CCDC192: variants seen among roughly 807,000 people sequenced by gnomAD.
CCDC192 encodes coiled-coil domain containing 192.
chr5:127,733,915 C>T, intron 2 of CCDC192, among the ~76,000 whole-genome samples: 1 of 144,772 alleles, frequency 6.9e-6, no homozygotes, highest in East Asian at 2.0e-4. Context: ...CCTTCACTAA[C>T]TATATATATA....
chr5:127,853,239 C>A (rs1158100836), intron 5 of CCDC192, among the ~76,000 whole-genome samples: 1 of 152,178 alleles, frequency 6.6e-6, no homozygotes, highest in East Asian at 1.9e-4. Context: ...ACTATCTATG[C>A]CCCATATGCT....
chr5:127,880,187 G>A (rs1478501309), intron 6 of CCDC192, among the ~76,000 whole-genome samples: 1 of 150,886 alleles, frequency 6.6e-6, no homozygotes, highest in African/African-American at 2.4e-5. Context: ...CAATAGCAAA[G>A]ACTTGGAACC....
At chr5:127,799,304 T>G (rs1757351581) in intron 5 of CCDC192, among the ~76,000 whole-genome samples, 1 of 152,202 alleles carries the variant, frequency 6.6e-6, no homozygotes, top group South Asian at 2.1e-4. Flanking sequence ...GCTAATCTGC[T>G]GTGGCAGTTA....
intron 3 of CCDC192, 22 bp downstream of exon 3, chr5:127,754,397 G>T: frequency 2.5e-6 from 1 of 397,646 alleles, no homozygotes; most frequent in South Asian, 1.3e-4. Context: ...CATGGGAACT[G>T]GAAACAAATG....
intron 5 of CCDC192, among the ~76,000 whole-genome samples, chr5:127,846,662 G>A (rs1298410401): frequency 3.3e-5 from 5 of 151,682 alleles, no homozygotes; most frequent in Non-Finnish European, 1.5e-5. Flanking sequence ...TAGAAACAGG[G>A]TTTCATCATG....
At chr5:127,927,867 C>T (rs1323228535) in intron 6 of CCDC192, among the ~76,000 whole-genome samples, 1 of 151,332 alleles carries the variant, frequency 6.6e-6, no homozygotes, top group Non-Finnish European at 1.5e-5. Flanking sequence ...CTATTCATTT[C>T]CTGTTGCTGC....
At chr5:127,743,218 C>T (rs1445622499) in intron 2 of CCDC192, among the ~76,000 whole-genome samples, 1 of 151,974 alleles carries the variant, frequency 6.6e-6, no homozygotes, top group Non-Finnish European at 1.5e-5. Flanking sequence ...CTGTGTTCCT[C>T]TCCTCAAGCT....
At chr5:127,754,490 C>G in intron 3 of CCDC192, 115 bp downstream of exon 3, 1 of 347,388 alleles carries the variant, frequency 2.9e-6, no homozygotes, top group Non-Finnish European at 5.0e-6. Flanking sequence ...CACACACACA[C>G]ACATACACAC....
At chr5:127,893,495 T>C (rs1468997901) in intron 6 of CCDC192, among the ~76,000 whole-genome samples, 1 of 152,120 alleles carries the variant, frequency 6.6e-6, no homozygotes, top group African/African-American at 2.4e-5. Flanking sequence ...ACTATACCTT[T>C]AGAGATCTCC....
intron 2 of CCDC192, among the ~76,000 whole-genome samples, chr5:127,718,651 T>C (rs1187302516): frequency 6.6e-6 from 1 of 152,214 alleles, no homozygotes; most frequent in Non-Finnish European, 1.5e-5. Context: ...TCAGATTTTA[T>C]GTGCAACTTG....
At chr5:127,865,533 T>C (rs1450100266) in intron 5 of CCDC192, among the ~76,000 whole-genome samples, 1 of 151,748 alleles carries the variant, frequency 6.6e-6, no homozygotes, top group Non-Finnish European at 1.5e-5. Flanking sequence ...GTTAAGCTAA[T>C]GATTGTCAGA....
intron 3 of CCDC192, among the ~76,000 whole-genome samples, chr5:127,768,229 G>A (rs551907491): frequency 6.6e-6 from 1 of 152,142 alleles, no homozygotes; most frequent in South Asian, 2.1e-4. Flanking sequence ...TCCAGCCTGG[G>A]TGACAGAGAG....
intron 5 of CCDC192, among the ~76,000 whole-genome samples, chr5:127,818,980 C>T (rs193188948): frequency 8.1e-4 from 124 of 152,278 alleles, no homozygotes; most frequent in Admixed American, 6.1e-3. Flanking sequence ...CTTAATACCC[C>T]ACATAATGGA....
intron 6 of CCDC192, among the ~76,000 whole-genome samples, chr5:127,933,873 G>A (rs554263940): frequency 1.0e-3 from 152 of 152,300 alleles, no homozygotes; most frequent in Middle Eastern, 3.4e-3. Context: ...CACCATCTAT[G>A]AGGAATGGGT....
At chr5:127,734,683 G>C (rs1358238367) in intron 2 of CCDC192, among the ~76,000 whole-genome samples, 2 of 145,604 alleles carry the variant, frequency 1.4e-5, no homozygotes, top group African/African-American at 5.2e-5. Context: ...GCCAGTGATG[G>C]TGAGCATTTT....
chr5:127,928,484 T>C (rs962208965), intron 6 of CCDC192, among the ~76,000 whole-genome samples: 6 of 152,240 alleles, frequency 3.9e-5, no homozygotes, highest in Admixed American at 3.9e-4. Context: ...TGTGATTACA[T>C]TGGGTCCACC....
At chr5:127,811,173 A>G (rs1250010210) in intron 5 of CCDC192, among the ~76,000 whole-genome samples, 1 of 152,140 alleles carries the variant, frequency 6.6e-6, no homozygotes, top group African/African-American at 2.4e-5. Flanking sequence ...ATCTGCTCTA[A>G]ATTCTGAAGC....
At chr5:127,882,306 A>G (rs779384947) in intron 6 of CCDC192, among the ~76,000 whole-genome samples, 1 of 152,176 alleles carries the variant, frequency 6.6e-6, no homozygotes, top group Non-Finnish European at 1.5e-5. Flanking sequence ...GTCCGGAAAT[A>G]TATTTCTTTG....
intron 5 of CCDC192, among the ~76,000 whole-genome samples, chr5:127,871,046 A>G (rs1751834262): frequency 6.6e-6 from 1 of 152,204 alleles, no homozygotes; most frequent in Admixed American, 6.5e-5. Context: ...AATTTCAGAC[A>G]AAGTGGGAGG....
Sources: allele counts gnomAD v4.1 joint callset (sites outside exome capture counted in the v4.1 genomes callset), GRCh38; gene constraint gnomAD v4.1.1; transcripts MANE v1.5; gene names NCBI Gene and HGNC (gene_info 2026-07-23, HGNC 2026-07-21).